Variants in WT1 observed in about 807,000 individuals in gnomAD.
The protein encoded by WT1 is WT1 transcription factor, also known as Wilms tumor protein.
Under a neutral mutation model 60.8 loss-of-function variants are expected in WT1, and 8 were observed. The observed-to-expected ratio is 0.13, with a 90% confidence interval of 0.08 to 0.24. WT1 has a LOEUF of 0.24. Ranked by LOEUF, WT1 falls within the 10% of genes least tolerant of loss-of-function variation. The pLI is 1.00. For missense variants in WT1, 568 were observed against 711.8 expected (o/e 0.80, Z 2.30); for synonymous variants, 312 against 297.1 (o/e 1.05, Z -0.52).
intron 5 of WT1, among the ~76,000 whole-genome samples, chr11:32,410,020 G>A (rs1269263086): frequency 1.3e-5 from 2 of 152,028 alleles, no homozygotes; most frequent in African/African-American, 4.8e-5. Context: ...TCCGCCTCCT[G>A]GGTTCAAGCA....
chr11:32,402,192 C>T lies in WT1; in HGVS notation c.1017-2148G>A, dbSNP rs1028826511. ...CCCTCTAACCTACCATATCTTGTCT[C>T]CACATCCTTCAAGTAATTTTTGACT... On this transcript the variant is annotated intron_variant, in intron 5 of 9. Transcript: ENST00000452863. Among the ~76,000 whole-genome samples, 4 of 152,196 alleles carry T rather than the reference C, an allele frequency of 2.6e-5. No homozygotes were observed. In the South Asian group the frequency reaches 8.3e-4, roughly 32 times the overall value.
At chr11:32,434,480 C>G (rs5030140) in intron 1 of WT1, among the ~76,000 whole-genome samples, 2 of 152,250 alleles carry the variant, frequency 1.3e-5, no homozygotes, top group Non-Finnish European at 1.5e-5. Flanking sequence ...AGTCAGGCTC[C>G]TAGCTCTGCC....
chr11:32,421,000 G>C (rs1852836447), intron 3 of WT1, among the ~76,000 whole-genome samples: 1 of 152,242 alleles, frequency 6.6e-6, no homozygotes, highest in African/African-American at 2.4e-5. Flanking sequence ...TCAGAGCACA[G>C]TTTTAACCAC....
chr11:32,411,282 T>C (rs1852491119), intron 5 of WT1, among the ~76,000 whole-genome samples: 1 of 152,164 alleles, frequency 6.6e-6, no homozygotes, highest in African/African-American at 2.4e-5. Flanking sequence ...ATTCCTTGCT[T>C]TAAAATAAAA....
chr11:32,388,110 G>C lies in WT1; in HGVS notation c.*948C>G, dbSNP rs1851711979. ...TTCACATATACTTGTAGACCCAAAG[G>C]TCCTTAAGTTACTTAAAAACAGTCT... On this transcript the variant is annotated 3_prime_UTR_variant, in exon 10 of 10. Coordinates refer to ENST00000452863, the MANE Select transcript of WT1 (RefSeq NM_024426.6). The C allele has an allele frequency of 1.3e-5, 3 of 234,752 alleles. No homozygotes were observed. Among genetic ancestry groups the C allele is most frequent in the Admixed American group, 5.6e-5 (1 of 17,742 alleles). 14.5% of individuals were successfully genotyped at this position (234,752 alleles called of 1,614,324 possible). A position where few individuals can be genotyped will look rare whatever the true frequency, so the allele number is the denominator to read the frequency against.
intron 1 of WT1, 73 bp downstream of exon 1, chr11:32,434,627 G>C (rs945892797): frequency 2.2e-5 from 35 of 1,606,700 alleles, no homozygotes; most frequent in African/African-American, 2.1e-4. Flanking sequence ...GGGTAGGAGA[G>C]GGGGGTGTCC....
At chr11:32,400,268 T>C in intron 5 of WT1, 1 of 620,134 alleles carries the variant, frequency 1.6e-6, no homozygotes, top group Middle Eastern at 3.7e-4. Context: ...CCTCCGATTC[T>C]CGTAGGCGTG....
At chr11:32,429,018 C>T in intron 1 of WT1, 1 of 330,360 alleles carries the variant, frequency 3.0e-6, no homozygotes, top group South Asian at 2.7e-5. Flanking sequence ...CGCGGGCAAG[C>T]GAAATGAATC....
chr11:32,411,068 TACAC>T (rs10525221), intron 5 of WT1, among the ~76,000 whole-genome samples: 18 of 145,780 alleles, frequency 1.2e-4, no homozygotes, highest in Non-Finnish European at 4.5e-5. Context: ...CCCTCTCCAA[TACAC>T]ACACACACAC....
intron 1 of WT1, among the ~76,000 whole-genome samples, chr11:32,430,374 T>A (rs66798575): frequency 6.8e-6 from 1 of 147,136 alleles, no homozygotes; most frequent in Non-Finnish European, 1.5e-5. Context: ...TTGCCCGGAG[T>A]GAAGGCCGAA....
At chr11:32,421,360 C>A (rs142029569) in intron 3 of WT1, among the ~76,000 whole-genome samples, 55 of 152,342 alleles carry the variant, frequency 3.6e-4, no homozygotes, top group African/African-American at 1.3e-3. Flanking sequence ...TGGCTTACAG[C>A]GACCACTGTG....
intron 9 of WT1, among the ~76,000 whole-genome samples, chr11:32,389,821 A>G (rs1851765560): frequency 6.6e-6 from 1 of 152,078 alleles, no homozygotes; most frequent in Non-Finnish European, 1.5e-5. Flanking sequence ...TAGATTTTTA[A>G]TAAGCTTGCC....
In WT1 at chr11:32,417,630, G is replaced by T. The variant is rs2133037462; in HGVS notation, c.912C>A (p.Ser304=). 6.2e-7 allele frequency: 1 copy of T among 1,613,928 alleles called. No individual in the cohort carries two copies. Among genetic ancestry groups the T allele is most frequent in the Admixed American group, 1.7e-5 (1 of 60,016 alleles). ...GATTCCAGGTCATGCATTCAAGCTG[G>T]GATGTCATTTGGTATAAATTGTCAC... The change falls in exon 4 of 10, where the codon TCC becomes TCA. Residue 304 remains serine, a synonymous_variant. Transcript: ENST00000452863.
intron 5 of WT1, among the ~76,000 whole-genome samples, chr11:32,412,076 C>G (rs969213888): frequency 2.0e-5 from 3 of 152,122 alleles, no homozygotes; most frequent in African/African-American, 7.2e-5. Context: ...AAGTAAATCT[C>G]TTGGACGGAT....
At chr11:32,390,008 C>T (rs780528576) in intron 9 of WT1, among the ~76,000 whole-genome samples, 1 of 152,120 alleles carries the variant, frequency 6.6e-6, no homozygotes, top group East Asian at 1.9e-4. Context: ...GTAGGGGAAG[C>T]GTTATTATCC....
intron 7 of WT1, 24 bp from the exon 8 acceptor site, chr11:32,392,779 T>C (rs1215156211): frequency 1.9e-6 from 3 of 1,608,584 alleles, no homozygotes; most frequent in East Asian, 2.2e-5. Context: ...CATATTCTAT[T>C]TGAAAATGAT....
chr11:32,396,211 G>C (rs753971493), intron 7 of WT1, 46 bp downstream of exon 7: 3 of 1,613,026 alleles, frequency 1.9e-6, no homozygotes, highest in South Asian at 2.2e-5. Flanking sequence ...TGGAAAAGGA[G>C]CTCTTGAACC....
intron 1 of WT1, chr11:32,430,664 G>T: frequency 2.7e-6 from 4 of 1,468,346 alleles, no homozygotes; most frequent in Non-Finnish European, 1.8e-6. Flanking sequence ...CGAGACGTCC[G>T]TCCGCACCCC....
chr11:32,418,951 C>T (rs1852767265), intron 3 of WT1, among the ~76,000 whole-genome samples: 1 of 152,180 alleles, frequency 6.6e-6, no homozygotes, highest in Non-Finnish European at 1.5e-5. Context: ...GAAGTGACTT[C>T]AAACTCAAAG....
Sources: gnomAD v4.1 joint callset for allele counts (sites outside exome capture counted in the v4.1 genomes callset) on GRCh38, gnomAD v4.1.1 for gene constraint, MANE v1.5 for transcripts, NCBI Gene and HGNC (gene_info 2026-07-23, HGNC 2026-07-21) for gene names.